The following SLC30A6 variants were observed in gnomAD, a reference collection of about 807,000 sequenced individuals.
The protein encoded by SLC30A6 is zinc transporter 6.
In SLC30A6, 55 loss-of-function variants were observed where a neutral mutation model predicts 63.0. That is an observed-to-expected ratio of 0.87 (90% CI 0.70 to 1.09). The LOEUF is 1.09. Ranked by LOEUF, SLC30A6 falls within the 50% of genes least tolerant of loss-of-function variation. The probability of loss-of-function intolerance (pLI) is 0.00; values close to 1 mark genes in which losing one functional copy is unlikely to be tolerated. For missense variants in SLC30A6, 587 were observed against 549.2 expected (o/e 1.07, Z -0.69); for synonymous variants, 224 against 186.1 (o/e 1.20, Z -1.66).
In SLC30A6 at chr2:32,223,127, A is replaced by G. The variant is rs1686230528; in HGVS notation, c.*2414A>G. Reference sequence around the variant, plus strand: ...GGGACATTGGGCCAGGCATTATTATATAGAGAAGTCTTATTTGCCAAGCTC... The same window carrying G: ...GGGACATTGGGCCAGGCATTATTATGTAGAGAAGTCTTATTTGCCAAGCTC... On this transcript the variant is annotated 3_prime_UTR_variant, in exon 14 of 14. Coordinates refer to ENST00000282587, the MANE Select transcript of SLC30A6 (RefSeq NM_017964.5). The G allele has an allele frequency of 1.3e-5, 2 of 152,252 alleles. No homozygotes were observed. Among genetic ancestry groups the G allele is most frequent in the Admixed American group, 6.5e-5 (1 of 15,274 alleles). 9.4% of individuals were successfully genotyped at this position (152,252 alleles called of 1,614,324 possible). A position where few individuals can be genotyped will look rare whatever the true frequency, so the allele number is the denominator to read the frequency against.
At chr2:32,215,738 T>C (rs1488376001) in intron 13 of SLC30A6, among the ~76,000 whole-genome samples, 1 of 152,132 alleles carries the variant, frequency 6.6e-6, no homozygotes, top group African/African-American at 2.4e-5. Flanking sequence ...AGGGTCTTGC[T>C]CTGTCACCCA....
chr2:32,201,617 C>A, intron 10 of SLC30A6: 1 of 1,511,816 alleles, frequency 6.6e-7, no homozygotes, highest in South Asian at 1.2e-5. Context: ...GGAAACTCCT[C>A]TGGGGGTACA....
At position 32,171,357 on chromosome 2, in the gene SLC30A6, T is replaced by C. The variant is rs756546731; in HGVS notation, c.74T>C (p.Val25Ala). The C allele has an allele frequency of 2.5e-6, 4 of 1,613,592 alleles. No individual in the cohort carries two copies. The highest frequency in any genetic ancestry group is 2.7e-5 in the African/African-American group (2 of 74,914). ...AAGTTGTTACGGGAATTTAGACTTGTAGCAGCTGACCGAAGGGTAAGTTAT... is the reference window on the plus strand; with the variant it reads ...AAGTTGTTACGGGAATTTAGACTTGCAGCAGCTGACCGAAGGGTAAGTTAT... ...FGKLLREFRL[V>A]AADRRSWKIL... Residue 25 changes from valine to alanine, a missense_variant, in exon 2 of 14, where the codon GTA becomes GCA. Transcript: ENST00000282587.
In SLC30A6 at chr2:32,184,301, G is replaced by C; in HGVS notation, c.247G>C (p.Val83Leu). Reference protein sequence around the residue: ...SLMTCLISYWVTLRKPSPVYS... With the variant: ...SLMTCLISYWLTLRKPSPVYS... Reference sequence around the variant, plus strand: ...AATGACATGTTTAATAAGTTACTGGGTAACATTGAGGAAACCTAGCCCTGT... The same window carrying C: ...AATGACATGTTTAATAAGTTACTGGCTAACATTGAGGAAACCTAGCCCTGT... Residue 83 changes from valine to leucine, a missense_variant, in exon 5 of 14, where the codon GTA becomes CTA. Physicochemically the swap from Val to Leu is conservative, Grantham distance 32. Transcript: ENST00000282587. 6.4e-7 allele frequency: 1 copy of C among 1,550,668 alleles called. No homozygotes were observed. Among genetic ancestry groups the C allele is most frequent in the Middle Eastern group, 1.7e-4 (1 of 5,768 alleles).
At chr2:32,213,302 CTTTTT>C (rs5830222) in intron 13 of SLC30A6, among the ~76,000 whole-genome samples, 1 of 113,744 alleles carries the variant, frequency 8.8e-6, no homozygotes, top group Admixed American at 9.0e-5. Flanking sequence ...TGATATGGAG[CTTTTT>C]TTTTTTTTTT....
chr2:32,201,798 G>A, intron 10 of SLC30A6: 2 of 1,382,442 alleles, frequency 1.4e-6, no homozygotes, highest in Non-Finnish European at 2.0e-6. Context: ...CACAGTGCTG[G>A]AGTGACAGAA....
chr2:32,202,253 A>T (rs1179317892), intron 10 of SLC30A6: 7 of 684,004 alleles, frequency 1.0e-5, no homozygotes, highest in Non-Finnish European at 1.6e-5. Context: ...GCTCAAGCAC[A>T]GACGGGAACA....
Position 32,220,485 on chromosome 2 carries a change from A to G in SLC30A6, c.1158A>G (p.Glu386=), listed in dbSNP as rs1240718501. 3 of 1,614,048 alleles carry G rather than the reference A, an allele frequency of 1.9e-6. No homozygotes were observed. Among genetic ancestry groups the G allele is most frequent in the Non-Finnish European group, 2.5e-6 (3 of 1,180,038 alleles). The stretch of plus-strand genomic sequence containing the variant: ...CTAAACCTAGTAGTCCACCTCCAGA[A>G]TTTTCATTTAACACTCCTGGGAAAA... ...TPAKPSSPPP[E]FSFNTPGKNV... Residue 386 remains glutamate, a synonymous_variant, in exon 14 of 14, where the codon GAA becomes GAG. Coordinates refer to ENST00000282587, the MANE Select transcript of SLC30A6 (RefSeq NM_017964.5).
intron 5 of SLC30A6, among the ~76,000 whole-genome samples, chr2:32,189,295 T>C (rs1227296181): frequency 6.7e-6 from 1 of 148,416 alleles, no homozygotes; most frequent in Non-Finnish European, 1.5e-5. Flanking sequence ...TTTTTTTTTT[T>C]TTTTTCTTTT....
rs212697 is a variant in SLC30A6 at position 32,217,425 on chromosome 2, A to G, written c.886-2788A>G. 9.0e-3 allele frequency among the ~76,000 whole-genome samples: 1,362 copies of G among 152,142 alleles called. 18 individuals are homozygous for G. Among genetic ancestry groups the G allele is most frequent in the Non-Finnish European group, 0.014 (969 of 68,004 alleles). On this transcript the variant is annotated intron_variant, in intron 13 of 13. Coordinates refer to ENST00000282587, the MANE Select transcript of SLC30A6 (RefSeq NM_017964.5). Reference sequence around the variant, plus strand: ...GTTCTTTATTCTGTTCCATTGGTCTATGTGTTTGTCTTTTTACCAGTACCA... The same window carrying G: ...GTTCTTTATTCTGTTCCATTGGTCTGTGTGTTTGTCTTTTTACCAGTACCA...
At chr2:32,189,797 CAG>C (rs1048547479) in intron 5 of SLC30A6, among the ~76,000 whole-genome samples, 1 of 150,942 alleles carries the variant, frequency 6.6e-6, no homozygotes, top group African/African-American at 2.4e-5. Context: ...TTTTTGGAGT[CAG>C]GGGTCTCACC....
At chr2:32,179,725 G>A (rs1682116395) in intron 4 of SLC30A6, among the ~76,000 whole-genome samples, 1 of 152,092 alleles carries the variant, frequency 6.6e-6, no homozygotes, top group Admixed American at 6.5e-5. Context: ...GTATTAAAAA[G>A]GGGGAAAGAA....
At chr2:32,203,212 CTA>C (rs1030776340) in intron 10 of SLC30A6, 171 of 1,096,414 alleles carry the variant, frequency 1.6e-4, no homozygotes, top group Non-Finnish European at 2.3e-4. Context: ...GATGTTGAGT[CTA>C]TATCCATCGT....
intron 10 of SLC30A6, chr2:32,201,642 G>T (rs1684306127): frequency 5.9e-6 from 9 of 1,514,614 alleles, no homozygotes; most frequent in Non-Finnish European, 8.1e-6. Context: ...GGAACTGGAA[G>T]CACCCTTGGA....
intron 13 of SLC30A6, among the ~76,000 whole-genome samples, chr2:32,219,194 C>T (rs1185380072): frequency 2.0e-5 from 3 of 151,560 alleles, no homozygotes; most frequent in Middle Eastern, 3.4e-3. Context: ...TCACCACACC[C>T]GGCTAATTTT....
At chr2:32,202,149 G>T in intron 10 of SLC30A6, 2 of 748,042 alleles carry the variant, frequency 2.7e-6, no homozygotes, top group South Asian at 3.2e-5. Context: ...TTTCTGAAGA[G>T]ACTATAAAGC....
rs1254499227 is a variant in SLC30A6, at chr2:32,174,991, GT to G, written c.176-326del. 3.9e-5 allele frequency among the ~76,000 whole-genome samples: 6 copies of G among 151,922 alleles called. No homozygotes were observed. In the Middle Eastern group the frequency reaches 0.01, roughly 258 times the overall value. On this transcript the variant is annotated intron_variant, in intron 3 of 13. Transcript: ENST00000282587. ...ATCTTTTTATGTTTTTTATTGCATT[GT>G]TCTTTTGTTCAGTTATTCAAACAAT...
At chr2:32,195,530 C>T (rs544838425) in intron 8 of SLC30A6, among the ~76,000 whole-genome samples, 43 of 151,844 alleles carry the variant, frequency 2.8e-4, no homozygotes, top group African/African-American at 9.6e-4. Context: ...TAATCAGCCT[C>T]TTTAGATCAA....
At chr2:32,199,653 T>TA (rs768718881) in intron 10 of SLC30A6, among the ~76,000 whole-genome samples, 1 of 152,150 alleles carries the variant, frequency 6.6e-6, no homozygotes, top group Non-Finnish European at 1.5e-5. Context: ...TTATTTATTC[T>TA]AACTATATTT....
Sources: gnomAD v4.1 joint callset for allele counts (sites outside exome capture counted in the v4.1 genomes callset) on GRCh38, gnomAD v4.1.1 for gene constraint, MANE v1.5 for transcripts, NCBI Gene and HGNC (gene_info 2026-07-23, HGNC 2026-07-21) for gene names.